The following LTBP2 variants were observed in gnomAD, a reference collection of about 807,000 sequenced individuals.
LTBP2 encodes the protein latent transforming growth factor beta binding protein 2.
A neutral mutation model predicts 210.6 loss-of-function variants in LTBP2; 103 were observed. That is an observed-to-expected ratio of 0.49 (90% confidence interval 0.42 to 0.58). The LOEUF (loss-of-function observed/expected upper bound fraction) is 0.58, where lower values mean the gene tolerates loss of function less well. LTBP2 is among the 20% of genes least tolerant of loss of function. The pLI, the probability that LTBP2 is intolerant of heterozygous loss-of-function variation, is 0.00. For missense variants in LTBP2, 2,313 were observed against 2,494.5 expected, an observed-to-expected ratio of 0.93 and a Z score of 1.55; for synonymous variants, 1,007 against 1,015.0, an observed-to-expected ratio of 0.99 and a Z score of 0.15.
intron 3 of LTBP2, among the ~76,000 whole-genome samples, chr14:74,571,552 CAT>C (rs2087978670): frequency 6.6e-6 from 1 of 152,226 alleles, no homozygotes; most frequent in South Asian, 2.1e-4. Context: ...TTATTTAAGA[CAT>C]AAATTATTTC....
Position 74,590,866 on chromosome 14 carries a change from G to A in LTBP2, c.566-4748C>T, listed in dbSNP as rs371049894. ...GAAGGGAAAGAGTGGGAAGGGTTGC[G>A]GAAAAAAAACTACATATTGGGTAAA... On this transcript the variant is annotated intron_variant, in intron 2 of 35. Transcript: ENST00000261978. Among the ~76,000 whole-genome samples the A allele has an allele frequency of 2.8e-4, 43 of 151,976 alleles. No homozygotes were observed. In the East Asian group the frequency reaches 7.3e-3, roughly 26 times the overall value.
chr14:74,529,240 T>A, intron 10 of LTBP2, 118 bp from the exon 11 acceptor site: 1 of 1,231,792 alleles, frequency 8.1e-7, no homozygotes, highest in Non-Finnish European at 1.2e-6. Context: ...GCCTGGCCCA[T>A]ATCTCAGTTG....
At chr14:74,549,824 C>T in intron 8 of LTBP2, 39 bp downstream of exon 8, 1 of 1,544,650 alleles carries the variant, frequency 6.5e-7, no homozygotes, top group Non-Finnish European at 9.0e-7. Flanking sequence ...CCAGGGAGAG[C>T]TTCCTCCACA....
At chr14:74,600,603 G>C (rs2088433076) in intron 2 of LTBP2, among the ~76,000 whole-genome samples, 2 of 152,098 alleles carry the variant, frequency 1.3e-5, no homozygotes, top group Admixed American at 1.3e-4. Context: ...GAGGGCCCAA[G>C]TGAGACCTAT....
chr14:74,590,785 CTAAGCT>C (rs2139793296), intron 2 of LTBP2, among the ~76,000 whole-genome samples: 1 of 74,878 alleles, frequency 1.3e-5, no homozygotes, highest in East Asian at 4.0e-4. Flanking sequence ...GCTAAGCTAG[CTAAGCT>C]ATGGGTATGA....
At chr14:74,576,332 A>G (rs908103452) in intron 3 of LTBP2, among the ~76,000 whole-genome samples, 1 of 152,214 alleles carries the variant, frequency 6.6e-6, no homozygotes, top group Non-Finnish European at 1.5e-5. Context: ...AGGGCCTGCT[A>G]TATCCTGGGC....
At chr14:74,543,905 C>T (rs931490060) in intron 8 of LTBP2, among the ~76,000 whole-genome samples, 1 of 152,192 alleles carries the variant, frequency 6.6e-6, no homozygotes, top group African/African-American at 2.4e-5. Flanking sequence ...TCACCACAAA[C>T]AGTGAGGTCG....
At chr14:74,590,220 A>G (rs1431284539) in intron 2 of LTBP2, among the ~76,000 whole-genome samples, 1 of 152,228 alleles carries the variant, frequency 6.6e-6, no homozygotes, top group Non-Finnish European at 1.5e-5. Context: ...TACCACCCCT[A>G]TGGAAAACAG....
chr14:74,541,311 G>A (rs1051502657), intron 8 of LTBP2, among the ~76,000 whole-genome samples: 6 of 152,136 alleles, frequency 3.9e-5, no homozygotes, highest in Admixed American at 3.9e-4. Context: ...ACCTAGAGCT[G>A]TGTGGGCACT....
intron 3 of LTBP2, among the ~76,000 whole-genome samples, chr14:74,564,387 TTTA>T (rs2087875289): frequency 2.5e-4 from 15 of 59,906 alleles, no homozygotes; most frequent in Admixed American, 5.9e-4. Context: ...ATATTTATAT[TTTA>T]TATATTTTTA....
In LTBP2 at chr14:74,502,935, C is replaced by G. The variant is rs748029032; in HGVS notation, c.4889-1G>C. On this transcript the variant is annotated splice_acceptor_variant, in intron 33 of 35. Transcript: ENST00000261978. LOFTEE classifies it high-confidence loss of function. Reference sequence around the variant, plus strand: ...ACGTTGCACAGCTGAGCATAGACCTCTGTCAGGGAGGAGGGAGAGAAGGAG... The same window carrying G: ...ACGTTGCACAGCTGAGCATAGACCTGTGTCAGGGAGGAGGGAGAGAAGGAG... 2 of 1,611,274 alleles carry G rather than the reference C, an allele frequency of 1.2e-6. No individual in the cohort carries two copies. Among genetic ancestry groups the G allele is most frequent in the Non-Finnish European group, 1.7e-6 (2 of 1,179,922 alleles).
intron 9 of LTBP2, among the ~76,000 whole-genome samples, chr14:74,534,763 C>T (rs765817883): frequency 6.6e-5 from 10 of 152,052 alleles, no homozygotes; most frequent in African/African-American, 1.9e-4. Flanking sequence ...GGAGAGATGA[C>T]GCATGCGGGT....
chr14:74,611,266 A>C (rs2088603264), intron 1 of LTBP2, among the ~76,000 whole-genome samples, 185 bp downstream of exon 1: 1 of 152,228 alleles, frequency 6.6e-6, no homozygotes, highest in African/African-American at 2.4e-5. Context: ...ATCTGCCTTC[A>C]ACTCTTCGAA....
At chr14:74,554,236 AC>A (rs2087700059) in intron 4 of LTBP2, among the ~76,000 whole-genome samples, 4 of 152,134 alleles carry the variant, frequency 2.6e-5, no homozygotes, top group Non-Finnish European at 5.9e-5. Context: ...ACAGGAACTC[AC>A]GCCTGCAGTC....
intron 8 of LTBP2, among the ~76,000 whole-genome samples, chr14:74,544,435 C>T (rs779553590): frequency 6.6e-6 from 1 of 152,110 alleles, no homozygotes; most frequent in African/African-American, 2.4e-5. Context: ...TGTTAGGATG[C>T]AAGAAAATGA....
Position 74,529,002 on chromosome 14 carries a change from T to C in LTBP2, c.2108A>G (p.Lys703Arg), listed in dbSNP as rs1682632619. 1.2e-6 allele frequency: 2 copies of C among 1,607,574 alleles called. No homozygotes were observed. Among genetic ancestry groups the C allele is most frequent in the Non-Finnish European group, 1.7e-6 (2 of 1,177,414 alleles). ...KQICCCSRVG[K>R]AWGSECEKCP... ...TTTCTCACACTCGCTGCCCCATGCT[T>C]TGCCCACGCGGCTGCAGCAGCATAT... The change falls in exon 11 of 36, where the codon AAA (lysine) becomes AGA (arginine). Residue 703 changes from lysine (K) to arginine (R), a missense_variant. Physicochemically the swap from Lys to Arg is conservative, Grantham distance 26. Coordinates refer to ENST00000261978, the MANE Select transcript of LTBP2 (RefSeq NM_000428.3).
At chr14:74,564,299 A>T (rs1437315196) in intron 3 of LTBP2, among the ~76,000 whole-genome samples, 16 of 54,586 alleles carry the variant, frequency 2.9e-4, no homozygotes, top group South Asian at 5.4e-4. Flanking sequence ...ATATATATTT[A>T]TATATATTTA....
At chr14:74,540,089 C>T (rs2087473230) in intron 8 of LTBP2, among the ~76,000 whole-genome samples, 1 of 152,088 alleles carries the variant, frequency 6.6e-6, no homozygotes, top group African/African-American at 2.4e-5. Context: ...AAACCAGGGC[C>T]CTCAGCACCC....
In LTBP2 at chr14:74,529,007, C is replaced by G; in HGVS notation, c.2103G>C (p.Val701=). ...CACACTCGCTGCCCCATGCTTTGCCCACGCGGCTGCAGCAGCATATCTGCT... is the reference window on the plus strand; with the variant it reads ...CACACTCGCTGCCCCATGCTTTGCCGACGCGGCTGCAGCAGCATATCTGCT... ...ITKQICCCSR[V]GKAWGSECEK... is the part of the protein sequence containing the mutation. Residue 701 remains valine, a synonymous_variant, in exon 11 of 36, where the codon GTG becomes GTC. Coordinates refer to ENST00000261978, the MANE Select transcript of LTBP2 (RefSeq NM_000428.3). 1.9e-6 allele frequency: 3 copies of G among 1,604,804 alleles called. No individual in the cohort carries two copies. Among genetic ancestry groups the G allele is most frequent in the Non-Finnish European group, 2.6e-6 (3 of 1,175,982 alleles).
Sources: gnomAD v4.1 joint callset for allele counts (sites outside exome capture counted in the v4.1 genomes callset) on GRCh38, gnomAD v4.1.1 for gene constraint, MANE v1.5 for transcripts, NCBI Gene and HGNC (gene_info 2026-07-23, HGNC 2026-07-21) for gene names.